The following ZBTB20 variants were observed in gnomAD, a reference collection of about 807,000 sequenced individuals.
ZBTB20 encodes zinc finger and BTB domain containing 20.
A neutral mutation model predicts 56.9 loss-of-function variants in ZBTB20; 9 were observed. That is an observed-to-expected ratio of 0.16 (90% CI 0.10 to 0.28). ZBTB20 has a LOEUF of 0.28. ZBTB20 is among the 10% of genes least tolerant of loss of function. The pLI is 1.00. For missense variants in ZBTB20, 655 were observed against 1,003.0 expected (o/e 0.65, Z 4.69); for synonymous variants, 417 against 420.7 (o/e 0.99, Z 0.11).
At chr3:114,756,614 T>C (rs1203913324) in intron 5 of ZBTB20, among the ~76,000 whole-genome samples, 1 of 152,164 alleles carries the variant, frequency 6.6e-6, no homozygotes, top group African/African-American at 2.4e-5. Context: ...CCAGTATTAT[T>C]TTCTTTTAAG....
intron 6 of ZBTB20, among the ~76,000 whole-genome samples, chr3:114,593,672 C>T (rs1036630755): frequency 2.0e-5 from 3 of 152,140 alleles, no homozygotes; most frequent in Admixed American, 6.5e-5. Context: ...GTGTGAGCCA[C>T]TGCGCCTGGC....
At chr3:114,408,933 C>A (rs1299773357) in intron 7 of ZBTB20, among the ~76,000 whole-genome samples, 1 of 152,042 alleles carries the variant, frequency 6.6e-6, no homozygotes, top group African/African-American at 2.4e-5. Context: ...CGCTCGTCCG[C>A]CGTCCGCTCC....
At chr3:114,911,895 T>C (rs1206593679) in intron 3 of ZBTB20, among the ~76,000 whole-genome samples, 1 of 151,712 alleles carries the variant, frequency 6.6e-6, no homozygotes, top group Non-Finnish European at 1.5e-5. Flanking sequence ...GGGAGGCATA[T>C]GGACATTCAG....
At chr3:114,677,650 A>G (rs781703537) in intron 6 of ZBTB20, among the ~76,000 whole-genome samples, 12 of 152,184 alleles carry the variant, frequency 7.9e-5, no homozygotes, top group Non-Finnish European at 1.2e-4. Context: ...CCCAGACAAT[A>G]TCACTCATTC....
intron 6 of ZBTB20, among the ~76,000 whole-genome samples, chr3:114,504,875 C>T (rs2044411679): frequency 6.6e-6 from 1 of 152,152 alleles, no homozygotes; most frequent in African/African-American, 2.4e-5. Context: ...GGAAACAGCT[C>T]AGATCATACC....
Position 114,329,708 on chromosome 3 carries a change from G to GT in ZBTB20, c.*9296_*9297insA, listed in dbSNP as rs1560071266. ...CTGAAACTCTGGTTTTACTTTTTTT[G>GT]GAAAAAAAAAAAAAAAAAAAAAAAA... On this transcript the variant is annotated 3_prime_UTR_variant, in exon 12 of 12. Coordinates refer to ENST00000675478, the MANE Select transcript of ZBTB20 (RefSeq NM_001348800.3). 1.0e-4 allele frequency: 2 copies of GT among 19,138 alleles called. No homozygotes were observed. Among genetic ancestry groups the GT allele is most frequent in the African/African-American group, 2.0e-4 (1 of 4,990 alleles). 1.2% of individuals were successfully genotyped at this position (19,138 alleles called of 1,614,324 possible). A position where few individuals can be genotyped will look rare whatever the true frequency, so the allele number is the denominator to read the frequency against.
chr3:114,979,487 T>C (rs1194905180), intron 2 of ZBTB20, among the ~76,000 whole-genome samples: 1 of 152,026 alleles, frequency 6.6e-6, no homozygotes, highest in Non-Finnish European at 1.5e-5. Context: ...CTACAACATA[T>C]GAACTATGAC....
intron 2 of ZBTB20, among the ~76,000 whole-genome samples, chr3:115,053,379 A>AT (rs1219268154): frequency 6.6e-6 from 1 of 152,096 alleles, no homozygotes; most frequent in Non-Finnish European, 1.5e-5. Context: ...AAAGCTATGT[A>AT]TTTTTTGGTG....
chr3:114,858,650 G>A (rs1471082211), intron 4 of ZBTB20, among the ~76,000 whole-genome samples: 2 of 152,002 alleles, frequency 1.3e-5, no homozygotes, highest in Non-Finnish European at 2.9e-5. Context: ...TGAGCTCCGT[G>A]CAGTGCAGAA....
chr3:114,494,552 C>A (rs1414892458), intron 7 of ZBTB20, among the ~76,000 whole-genome samples: 1 of 152,184 alleles, frequency 6.6e-6, no homozygotes, highest in Non-Finnish European at 1.5e-5. Flanking sequence ...GGCAAAGTAT[C>A]CCATTGGTGG....
chr3:115,040,274 T>A (rs576441516), intron 2 of ZBTB20, among the ~76,000 whole-genome samples: 2 of 152,180 alleles, frequency 1.3e-5, no homozygotes, highest in East Asian at 3.9e-4. Context: ...AAAGAAAGAA[T>A]AAGACAAAGC....
chr3:115,059,541 C>T (rs1560535315), intron 2 of ZBTB20, among the ~76,000 whole-genome samples: 2 of 152,164 alleles, frequency 1.3e-5, no homozygotes, highest in Non-Finnish European at 2.9e-5. Context: ...TTGTTCTTTG[C>T]CGGCCTTCTG....
intron 2 of ZBTB20, among the ~76,000 whole-genome samples, chr3:115,029,723 T>G (rs1009663141): frequency 6.6e-6 from 1 of 150,814 alleles, no homozygotes; most frequent in African/African-American, 2.4e-5. Context: ...TATCTCACAC[T>G]GTATATCAAA....
chr3:114,352,034 G>A, intron 10 of ZBTB20, 156 bp from the exon 11 acceptor site: 1 of 949,834 alleles, frequency 1.1e-6, no homozygotes, highest in East Asian at 2.6e-5. Flanking sequence ...CGGCATACAA[G>A]CTGTAGGTAC....
At chr3:115,036,149 G>T (rs2108367756) in intron 2 of ZBTB20, among the ~76,000 whole-genome samples, 1 of 152,134 alleles carries the variant, frequency 6.6e-6, no homozygotes. Flanking sequence ...GGAGATACTT[G>T]GTGGTAATGG....
chr3:114,351,197 C>G lies in ZBTB20; in HGVS notation c.881G>C (p.Arg294Pro). ...CAGGTAGCGCTCCATCTGCTGCGAG[C>G]GCTCATGGATGCGTGTGATCCAGCT... is the stretch of plus-strand genomic sequence containing the variant. ...DPSWITRIHE[R>P]SQQMERYLST... is the part of the protein sequence containing the mutation. Residue 294 changes from arginine to proline, a missense_variant, in exon 11 of 12, where the codon CGC (arginine) becomes CCC (proline). Physicochemically the swap from Arg to Pro is moderately radical, Grantham distance 103. This residue lies in a region of ZBTB20 where 167 missense variants were observed against 281.9 expected (regional missense o/e 0.59). Coordinates refer to ENST00000675478, the MANE Select transcript of ZBTB20 (RefSeq NM_001348800.3). The G allele has an allele frequency of 6.2e-7, 1 of 1,602,174 alleles. No homozygotes were observed. Among genetic ancestry groups the G allele is most frequent in the Non-Finnish European group, 8.5e-7 (1 of 1,179,744 alleles).
intron 7 of ZBTB20, among the ~76,000 whole-genome samples, chr3:114,483,441 G>T (rs2041770305): frequency 6.6e-6 from 1 of 151,782 alleles, no homozygotes; most frequent in Non-Finnish European, 1.5e-5. Flanking sequence ...CTCCCCTCTT[G>T]GTGAGGGCAG....
At chr3:115,124,481 T>A (rs948297507) in intron 1 of ZBTB20, among the ~76,000 whole-genome samples, 4 of 152,228 alleles carry the variant, frequency 2.6e-5, no homozygotes, top group African/African-American at 9.6e-5. Context: ...AAATGAAGCA[T>A]GTTCTTTCTA....
At chr3:114,615,434 G>A (rs879804156) in intron 6 of ZBTB20, among the ~76,000 whole-genome samples, 7 of 152,178 alleles carry the variant, frequency 4.6e-5, no homozygotes, top group Non-Finnish European at 7.4e-5. Flanking sequence ...TCAAGGCAAA[G>A]AAGGGCAAGT....
Sources: gnomAD v4.1 joint callset for allele counts (sites outside exome capture counted in the v4.1 genomes callset) on GRCh38, gnomAD v4.1.1 for gene constraint, gnomAD v4.1.1 regional missense constraint, MANE v1.5 for transcripts, NCBI Gene and HGNC (gene_info 2026-07-23, HGNC 2026-07-21) for gene names.